The following GPATCH8 variants were observed in gnomAD, a reference collection of about 807,000 sequenced individuals.
The protein encoded by GPATCH8 is G patch domain-containing protein 8.
Under a neutral mutation model 118.3 loss-of-function variants are expected in GPATCH8, and 18 were observed. The observed-to-expected ratio is 0.15, with a 90% confidence interval of 0.11 to 0.23. The LOEUF is 0.23. Among genes scored for constraint, GPATCH8 ranks in the 10% least tolerant of loss-of-function variants. The pLI is 1.00. For missense variants in GPATCH8, 1,631 were observed against 1,873.8 expected, an observed-to-expected ratio of 0.87 and a Z score of 2.39; for synonymous variants, 659 against 684.7, an observed-to-expected ratio of 0.96 and a Z score of 0.59.
chr17:44,491,591 T>C (rs1187766856), intron 1 of GPATCH8, among the ~76,000 whole-genome samples: 2 of 152,090 alleles, frequency 1.3e-5, no homozygotes, highest in African/African-American at 2.4e-5. Context: ...TGGTGGCTTA[T>C]ACTTGTAATC....
chr17:44,396,995 G>A lies in GPATCH8; in HGVS notation c.*573C>T, dbSNP rs759072706. The A allele has an allele frequency of 2.2e-6, 1 of 454,082 alleles. No individual in the cohort carries two copies. The highest frequency in any genetic ancestry group is 4.4e-6 in the Non-Finnish European group (1 of 226,794). 28.1% of individuals were successfully genotyped at this position (454,082 alleles called of 1,614,324 possible). On this transcript the variant is annotated 3_prime_UTR_variant, in exon 8 of 8. Transcript: ENST00000591680. ...GATGTGGGAACTGGATGGAATTGCA[G>A]CCTGAGTTATATCAGGTTCCAGGTG...
intron 3 of GPATCH8, among the ~76,000 whole-genome samples, chr17:44,446,217 T>C (rs1598509984): frequency 6.6e-6 from 1 of 152,232 alleles, no homozygotes; most frequent in South Asian, 2.1e-4. Context: ...CACAAAGTGC[T>C]GGGATTACAG....
intron 1 of GPATCH8, among the ~76,000 whole-genome samples, chr17:44,485,103 C>T (rs746398011): frequency 6.6e-6 from 1 of 151,956 alleles, no homozygotes; most frequent in Non-Finnish European, 1.5e-5. Flanking sequence ...TGTGAGCCCA[C>T]CATGCCAAGC....
chr17:44,459,805 TG>T (rs1312226988), intron 3 of GPATCH8, among the ~76,000 whole-genome samples: 1 of 152,140 alleles, frequency 6.6e-6, no homozygotes. Context: ...CTACTCTCCA[TG>T]TCTTAGGGTA....
In GPATCH8 at chr17:44,424,316, A is replaced by G. The variant is rs778478759; in HGVS notation, c.492+33T>C. On this transcript the variant is annotated intron_variant, in intron 6 of 7. Transcript: ENST00000591680. ...CCAATTGTTGTAACAATAGATAGGTACCTTCTTCTGTTAGCAAGTAACTAC... is the reference window on the plus strand; with the variant it reads ...CCAATTGTTGTAACAATAGATAGGTGCCTTCTTCTGTTAGCAAGTAACTAC... 4.8e-6 allele frequency: 7 copies of G among 1,446,652 alleles called. No homozygotes were observed. In the East Asian group the frequency reaches 1.4e-4, roughly 28 times the overall value. 89.6% of individuals were successfully genotyped at this position (1,446,652 alleles called of 1,614,324 possible).
chr17:44,448,579 A>C (rs75872656), intron 3 of GPATCH8, among the ~76,000 whole-genome samples: 1 of 45,018 alleles, frequency 2.2e-5, no homozygotes, highest in Non-Finnish European at 9.6e-5. Flanking sequence ...AAGAGGAAGA[A>C]GAAGAAGAAG....
intron 3 of GPATCH8, among the ~76,000 whole-genome samples, chr17:44,439,264 TTC>T (rs748914596): frequency 2.8e-4 from 42 of 152,178 alleles, no homozygotes; most frequent in Non-Finnish European, 4.0e-4. Flanking sequence ...TGCATTTGAA[TTC>T]TGTTATGAAT....
chr17:44,446,292 C>T (rs1323186939), intron 3 of GPATCH8, among the ~76,000 whole-genome samples: 1 of 151,968 alleles, frequency 6.6e-6, no homozygotes, highest in Non-Finnish European at 1.5e-5. Flanking sequence ...AAAGGCCAGG[C>T]GCAGTGGCTC....
At chr17:44,488,873 G>A (rs936412526) in intron 1 of GPATCH8, among the ~76,000 whole-genome samples, 1 of 151,412 alleles carries the variant, frequency 6.6e-6, no homozygotes, top group Admixed American at 6.6e-5. Context: ...GATCACCTGA[G>A]GTCAGGAGTT....
chr17:44,453,530 T>TGTGTGTGTGTGTGTGTGTGC (rs1052518435), intron 3 of GPATCH8, among the ~76,000 whole-genome samples: 12 of 150,562 alleles, frequency 8.0e-5, no homozygotes, highest in East Asian at 1.9e-4. Flanking sequence ...TGTGTGTGTG[T>TGTGTGTGTGTGTGTGTGTGC]GCAGGCGCGC....
intron 3 of GPATCH8, among the ~76,000 whole-genome samples, chr17:44,442,079 A>G (rs948337105): frequency 2.3e-5 from 2 of 88,548 alleles, no homozygotes; most frequent in Middle Eastern, 6.7e-3. Context: ...ACACATATAT[A>G]TGTGTGTATA....
intron 1 of GPATCH8, among the ~76,000 whole-genome samples, chr17:44,496,553 T>G (rs946421199): frequency 6.6e-6 from 1 of 152,230 alleles, no homozygotes; most frequent in African/African-American, 2.4e-5. Flanking sequence ...TTCTGGTTGC[T>G]TGAGTGACAC....
intron 6 of GPATCH8, among the ~76,000 whole-genome samples, chr17:44,423,271 T>C (rs920160081): frequency 6.6e-6 from 1 of 152,148 alleles, no homozygotes; most frequent in Non-Finnish European, 1.5e-5. Flanking sequence ...CAAAGGTATG[T>C]AGTAAGTTGA....
chr17:44,412,472 C>G (rs922697470), intron 6 of GPATCH8, among the ~76,000 whole-genome samples: 1 of 151,972 alleles, frequency 6.6e-6, no homozygotes, highest in African/African-American at 2.4e-5. Context: ...CCACAACCTC[C>G]ACCTCCTGAG....
intron 3 of GPATCH8, among the ~76,000 whole-genome samples, chr17:44,454,789 T>C (rs2051264288): frequency 6.6e-6 from 1 of 152,170 alleles, no homozygotes; most frequent in African/African-American, 2.4e-5. Flanking sequence ...TGACTAATCT[T>C]GTTTATTACC....
At position 44,397,194 on chromosome 17, in the gene GPATCH8, G is replaced by A. The variant is rs1473106927; in HGVS notation, c.*374C>T. On this transcript the variant is annotated 3_prime_UTR_variant, in exon 8 of 8. Coordinates refer to ENST00000591680, the MANE Select transcript of GPATCH8 (RefSeq NM_001002909.4). ...CTCTGGTGACAACCCACTGGCCAGA[G>A]GGGAGGAAAATGTTTTAAAATTTAC... The A allele has an allele frequency of 2.1e-6, 1 of 465,204 alleles. No individual in the cohort carries two copies. Among genetic ancestry groups the A allele is most frequent in the South Asian group, 1.5e-5 (1 of 64,574 alleles). 28.8% of individuals were successfully genotyped at this position (465,204 alleles called of 1,614,324 possible). A position where few individuals can be genotyped will look rare whatever the true frequency, so the allele number is the denominator to read the frequency against.
chr17:44,426,555 G>C (rs1171396405), intron 5 of GPATCH8, among the ~76,000 whole-genome samples: 2 of 135,860 alleles, frequency 1.5e-5, no homozygotes, highest in Non-Finnish European at 3.1e-5. Context: ...AGTAAGCCAA[G>C]ATTGCGCCAC....
intron 3 of GPATCH8, among the ~76,000 whole-genome samples, chr17:44,459,407 G>T (rs2051461389): frequency 6.6e-6 from 1 of 152,134 alleles, no homozygotes; most frequent in African/African-American, 2.4e-5. Context: ...TACTCTTTAA[G>T]AAGACAGGCA....
intron 3 of GPATCH8, among the ~76,000 whole-genome samples, chr17:44,457,572 C>G (rs961273057): frequency 4.6e-5 from 7 of 152,184 alleles, no homozygotes; most frequent in Non-Finnish European, 8.8e-5. Context: ...TGTGTGTTAA[C>G]AATCATATTA....
Sources: gnomAD v4.1 joint callset for allele counts (sites outside exome capture counted in the v4.1 genomes callset) on GRCh38, gnomAD v4.1.1 for gene constraint, MANE v1.5 for transcripts, NCBI Gene and HGNC (gene_info 2026-07-23, HGNC 2026-07-21) for gene names.